The following STXBP6 variants were observed in gnomAD, a reference collection of about 807,000 sequenced individuals.
STXBP6 encodes the protein syntaxin binding protein 6.
STXBP6 carries 21 observed loss-of-function variants against 26.9 expected under a neutral mutation model. That is an observed-to-expected ratio of 0.78 (90% confidence interval 0.55 to 1.12). STXBP6 has a LOEUF of 1.12. STXBP6 is among the 50% of genes most tolerant of loss of function. The probability of loss-of-function intolerance (pLI) is 0.00; values close to 1 mark genes in which losing one functional copy is unlikely to be tolerated. For synonymous variants in STXBP6, 97 were observed against 92.6 expected, an observed-to-expected ratio of 1.05 and a Z score of -0.27; for missense variants, 232 against 257.9, an observed-to-expected ratio of 0.90 and a Z score of 0.69.
At chr14:24,935,897 G>A (rs745468332) in intron 2 of STXBP6, among the ~76,000 whole-genome samples, 3 of 152,312 alleles carry the variant, frequency 2.0e-5, no homozygotes, top group Non-Finnish European at 2.9e-5. Context: ...ACCAGACAGA[G>A]ACAATTTGGC....
At chr14:24,845,285 T>C (rs2068924034) in intron 4 of STXBP6, among the ~76,000 whole-genome samples, 1 of 152,160 alleles carries the variant, frequency 6.6e-6, no homozygotes, top group Non-Finnish European at 1.5e-5. Context: ...GTGCTGGGAT[T>C]ACAGGCATGA....
chr14:24,924,623 A>G (rs1379850927), intron 2 of STXBP6, among the ~76,000 whole-genome samples: 1 of 152,142 alleles, frequency 6.6e-6, no homozygotes, highest in African/African-American at 2.4e-5. Flanking sequence ...CTCCATTCTT[A>G]CTAGCCATCT....
intron 1 of STXBP6, among the ~76,000 whole-genome samples, chr14:25,037,152 G>A (rs950620790): frequency 1.3e-5 from 2 of 152,168 alleles, no homozygotes; most frequent in African/African-American, 2.4e-5. Flanking sequence ...GCAGGAACCA[G>A]GTTTGGGAAA....
chr14:24,945,139 ATTTTTTTT>A (rs552562019), intron 2 of STXBP6, among the ~76,000 whole-genome samples: 15 of 100,652 alleles, frequency 1.5e-4, no homozygotes, highest in African/African-American at 2.9e-4. Flanking sequence ...CCAATTAGGA[ATTTTTTTT>A]TTTTTTTTTT....
chr14:25,044,948 C>T (rs752136801), intron 1 of STXBP6, among the ~76,000 whole-genome samples: 2 of 152,202 alleles, frequency 1.3e-5, no homozygotes, highest in African/African-American at 2.4e-5. Context: ...CCAGCTCCTT[C>T]GTGGAGACTT....
chr14:24,882,466 G>C (rs981028925), intron 2 of STXBP6, among the ~76,000 whole-genome samples: 2 of 141,278 alleles, frequency 1.4e-5, no homozygotes, highest in Admixed American at 7.4e-5. Context: ...TTAACCTTGA[G>C]ATGCTTGAAG....
chr14:24,890,651 A>G (rs1320042189), intron 2 of STXBP6, among the ~76,000 whole-genome samples: 3 of 152,244 alleles, frequency 2.0e-5, no homozygotes, highest in African/African-American at 7.2e-5. Flanking sequence ...TGTCCTATAG[A>G]AAAGATAAGG....
In STXBP6 at chr14:24,866,142, T is replaced by A. The variant is rs527559298; in HGVS notation, c.155-8985A>T. The stretch of plus-strand genomic sequence containing the variant: ...CATGACCCTCCTTGATGTGAGTGGG[T>A]CTCATCCAGTCAGTAGAAGATCTGA... On this transcript the variant is annotated intron_variant, in intron 2 of 5. Transcript: ENST00000323944. 1.6e-4 allele frequency among the ~76,000 whole-genome samples: 24 copies of A among 152,164 alleles called. 1 individual carries two copies. Among genetic ancestry groups the A allele is most frequent in the Admixed American group, 9.8e-4 (15 of 15,274 alleles).
chr14:24,963,650 G>A (rs1186618851), intron 2 of STXBP6, among the ~76,000 whole-genome samples: 2 of 152,000 alleles, frequency 1.3e-5, no homozygotes, highest in Non-Finnish European at 1.5e-5. Context: ...GGGCATCTGG[G>A]GAAAGCTTTG....
intron 1 of STXBP6, among the ~76,000 whole-genome samples, chr14:25,038,066 C>T (rs11628114): frequency 0.076 from 11,425 of 150,206 alleles, 556 homozygotes; most frequent in Non-Finnish European, 0.12. Flanking sequence ...TTTAAAAATA[C>T]GAACACACAC....
chr14:24,848,451 C>T (rs2069037116), intron 4 of STXBP6, among the ~76,000 whole-genome samples: 1 of 152,126 alleles, frequency 6.6e-6, no homozygotes, highest in Non-Finnish European at 1.5e-5. Flanking sequence ...CTCTTATCTA[C>T]TGCAGGTTAT....
intron 1 of STXBP6, among the ~76,000 whole-genome samples, chr14:24,990,523 T>C (rs547872997): frequency 1.6e-4 from 24 of 152,040 alleles, no homozygotes; most frequent in African/African-American, 5.1e-4. Flanking sequence ...CCGGGCGTGA[T>C]GGTGCAGGCC....
intron 1 of STXBP6, among the ~76,000 whole-genome samples, chr14:25,004,834 T>C (rs1327394356): frequency 6.6e-6 from 1 of 152,244 alleles, no homozygotes; most frequent in East Asian, 1.9e-4. Context: ...CATAGCTTTC[T>C]ATAAGCAATT....
intron 1 of STXBP6, among the ~76,000 whole-genome samples, chr14:24,979,389 G>C (rs2074128080): frequency 6.6e-6 from 1 of 152,152 alleles, no homozygotes; most frequent in African/African-American, 2.4e-5. Flanking sequence ...CAGAGTCTTT[G>C]AAGTTAAGAA....
chr14:24,869,053 T>C (rs1028884584), intron 2 of STXBP6, among the ~76,000 whole-genome samples: 2 of 152,264 alleles, frequency 1.3e-5, no homozygotes, highest in African/African-American at 4.8e-5. Context: ...ACTACGTCTT[T>C]GCATTCTTCA....
intron 1 of STXBP6, among the ~76,000 whole-genome samples, chr14:25,046,273 CTT>C (rs1264837985): frequency 6.6e-6 from 1 of 152,178 alleles, no homozygotes; most frequent in African/African-American, 2.4e-5. Context: ...ATGTTCCCTA[CTT>C]ATACTAAGTG....
intron 2 of STXBP6, among the ~76,000 whole-genome samples, chr14:24,961,877 T>C (rs1037192306): frequency 6.6e-6 from 1 of 152,206 alleles, no homozygotes; most frequent in Non-Finnish European, 1.5e-5. Context: ...TGATATAATG[T>C]GAAATGTGAA....
intron 1 of STXBP6, among the ~76,000 whole-genome samples, chr14:24,992,354 G>C (rs2074495326): frequency 6.6e-6 from 1 of 151,750 alleles, no homozygotes; most frequent in Non-Finnish European, 1.5e-5. Flanking sequence ...TGCTGCAAAG[G>C]CACAGTCTAC....
chr14:24,835,691 A>G (rs1411770840), intron 4 of STXBP6, among the ~76,000 whole-genome samples: 1 of 152,234 alleles, frequency 6.6e-6, no homozygotes, highest in Non-Finnish European at 1.5e-5. Flanking sequence ...AATAGGTAGT[A>G]TCAAGTCTAA....
Sources: gnomAD v4.1 joint callset for allele counts (sites outside exome capture counted in the v4.1 genomes callset) on GRCh38, gnomAD v4.1.1 for gene constraint, MANE v1.5 for transcripts, NCBI Gene and HGNC (gene_info 2026-07-23, HGNC 2026-07-21) for gene names.